The following CBFA2T3 variants were observed in gnomAD, a reference collection of about 807,000 sequenced individuals.
CBFA2T3 encodes transcriptional corepressor CBFA2T3.
CBFA2T3 carries 31 observed loss-of-function variants against 58.6 expected under a neutral mutation model. The ratio of observed to expected loss-of-function variants is 0.53; its 90% confidence interval spans 0.40 to 0.71. The LOEUF (loss-of-function observed/expected upper bound fraction) is 0.71, where lower values mean the gene tolerates loss of function less well. Ranked by LOEUF, CBFA2T3 falls within the 30% of genes least tolerant of loss-of-function variation. The probability of loss-of-function intolerance (pLI) is 0.00; values close to 1 mark genes in which losing one functional copy is unlikely to be tolerated. For missense variants in CBFA2T3, 1,076 were observed against 963.1 expected (o/e 1.12, Z -1.55); for synonymous variants, 531 against 421.9 (o/e 1.26, Z -3.17).
chr16:88,935,887 G>A (rs771179816), intron 1 of CBFA2T3, among the ~76,000 whole-genome samples: 41 of 152,310 alleles, frequency 2.7e-4, no homozygotes, highest in Middle Eastern at 3.4e-3. Context: ...TTTGAGACCC[G>A]AGGGACAGAT....
rs546830036 is a variant in CBFA2T3, at chr16:88,956,015, C to G, written c.151+20642G>C. 9.6e-4 allele frequency among the ~76,000 whole-genome samples: 144 copies of G among 150,174 alleles called. 1 individual carries two copies. Among genetic ancestry groups the G allele is most frequent in the African/African-American group, 3.4e-3 (134 of 39,790 alleles). On this transcript the variant is annotated intron_variant, in intron 1 of 11. Coordinates refer to ENST00000268679, the MANE Select transcript of CBFA2T3 (RefSeq NM_005187.6). ...ACCCCAGCCAAGGCTCCTGACCCCA[C>G]CCAAGGATCCTGACCCCACCCAGGG...
chr16:88,916,239 CATGT>C (rs1970720249), intron 1 of CBFA2T3, among the ~76,000 whole-genome samples: 1 of 129,380 alleles, frequency 7.7e-6, no homozygotes, highest in African/African-American at 3.3e-5. Context: ...TGTGTGTATT[CATGT>C]GTGTATTCAT....
intron 1 of CBFA2T3, among the ~76,000 whole-genome samples, chr16:88,975,178 A>ACCCTGACCCTCTGCTCCTCACCTGCAGC (rs1567643980): frequency 2.2e-5 from 1 of 46,200 alleles, no homozygotes; most frequent in Non-Finnish European, 6.2e-5. Flanking sequence ...TCTCTGCTCC[A>ACCCTGACCCTCTGCTCCTCACCTGCAGC]CATCTTTAGC....
At chr16:88,881,114 G>C (rs779389108) in intron 9 of CBFA2T3, 177 bp downstream of exon 9, 12 of 739,518 alleles carry the variant, frequency 1.6e-5, no homozygotes, top group Non-Finnish European at 2.9e-5. Context: ...GACGCTCTGA[G>C]CTCCAGGCTT....
At chr16:88,895,369 G>A (rs1969844282) in intron 3 of CBFA2T3, among the ~76,000 whole-genome samples, 1 of 152,346 alleles carries the variant, frequency 6.6e-6, no homozygotes, top group Non-Finnish European at 1.5e-5. Flanking sequence ...CACCTGCGAA[G>A]TGCGCCCGGG....
chr16:88,941,459 C>A (rs1971728442), intron 1 of CBFA2T3, among the ~76,000 whole-genome samples: 1 of 147,944 alleles, frequency 6.8e-6, no homozygotes, highest in African/African-American at 2.4e-5. Flanking sequence ...CAGCTCCGCC[C>A]CGGGGCGCCG....
rs886429442 is a variant in CBFA2T3, at chr16:88,928,624, C to T, written c.152-26968G>A. 4.6e-5 allele frequency among the ~76,000 whole-genome samples: 7 copies of T among 152,332 alleles called. No individual in the cohort carries two copies. In the East Asian group the frequency reaches 1.2e-3, roughly 25 times the overall value. ...CACCCGCCAGGTGGGGTATGGGGAC[C>T]GTCCCTCAGGCAAGACAGGGTGCCT... On this transcript the variant is annotated intron_variant, in intron 1 of 11. Transcript: ENST00000268679.
At chr16:88,932,020 CCACACGCATG>C (rs1199658380) in intron 1 of CBFA2T3, among the ~76,000 whole-genome samples, 1 of 152,108 alleles carries the variant, frequency 6.6e-6, no homozygotes, top group African/African-American at 2.4e-5. Context: ...CCGTGGTACC[CCACACGCATG>C]CACACGTGTG....
At chr16:88,895,852 G>A (rs1248923621) in intron 3 of CBFA2T3, among the ~76,000 whole-genome samples, 1 of 152,206 alleles carries the variant, frequency 6.6e-6, no homozygotes, top group Non-Finnish European at 1.5e-5. Context: ...CGGCCGCCAG[G>A]CCCAGACGTG....
chr16:88,940,727 C>CT (rs1360691384), intron 1 of CBFA2T3, among the ~76,000 whole-genome samples: 1 of 152,028 alleles, frequency 6.6e-6, no homozygotes, highest in East Asian at 1.9e-4. Flanking sequence ...GCCGCGGGGC[C>CT]TTTGTTAGGA....
intron 1 of CBFA2T3, among the ~76,000 whole-genome samples, chr16:88,965,526 C>T (rs1972479296): frequency 6.6e-6 from 1 of 152,222 alleles, no homozygotes; most frequent in African/African-American, 2.4e-5. Flanking sequence ...TTCTACAACC[C>T]AGGGGGCTAG....
chr16:88,887,037 G>T (rs575463920), intron 5 of CBFA2T3: 1 of 152,262 alleles, frequency 6.6e-6, no homozygotes, highest in Non-Finnish European at 1.5e-5. Flanking sequence ...GCGGACAGGC[G>T]TGCTGGACCC....
intron 1 of CBFA2T3, among the ~76,000 whole-genome samples, chr16:88,923,930 A>G (rs945363283): frequency 2.0e-5 from 3 of 152,214 alleles, no homozygotes; most frequent in Non-Finnish European, 4.4e-5. Flanking sequence ...AGCATAGATC[A>G]CCACAGTGCA....
chr16:88,876,609 G>A lies in CBFA2T3; in HGVS notation c.*367C>T, dbSNP rs1015858882. 8 of 287,366 alleles carry A rather than the reference G, an allele frequency of 2.8e-5. No individual in the cohort carries two copies. Among genetic ancestry groups the A allele is most frequent in the Non-Finnish European group, 3.2e-5 (5 of 155,068 alleles). 17.8% of individuals were successfully genotyped at this position (287,366 alleles called of 1,614,324 possible). ...TCATAGAGAGAGAGAGGATAGAGAA[G>A]ACAGAGGGGGAGAGACAGACAGAGA... On this transcript the variant is annotated 3_prime_UTR_variant, in exon 12 of 12. Transcript: ENST00000268679.
At chr16:88,951,891 G>A (rs140339861) in intron 1 of CBFA2T3, among the ~76,000 whole-genome samples, 50 of 152,354 alleles carry the variant, frequency 3.3e-4, no homozygotes, top group South Asian at 1.7e-3. Flanking sequence ...GCCTGAAACC[G>A]GTGCCCCTGC....
chr16:88,942,053 G>C (rs576492002), intron 1 of CBFA2T3, among the ~76,000 whole-genome samples: 219 of 152,202 alleles, frequency 1.4e-3, no homozygotes, highest in African/African-American at 5.1e-3. Flanking sequence ...CGCTTCCCGC[G>C]GGTCCCGGGG....
chr16:88,882,572 G>GTGTGCA (rs1392131901), intron 8 of CBFA2T3, 104 bp downstream of exon 8: 1 of 407,982 alleles, frequency 2.5e-6, no homozygotes, highest in Non-Finnish European at 4.2e-6. Flanking sequence ...GGGCATGGCT[G>GTGTGCA]TGGGCGTGGC....
Position 88,880,421 on chromosome 16 carries a change from G to A in CBFA2T3, c.1471+299C>T, listed in dbSNP as rs150156316. Among the ~76,000 whole-genome samples, 3 of 152,308 alleles carry A rather than the reference G, an allele frequency of 2.0e-5. No individual in the cohort carries two copies. In the East Asian group the frequency reaches 5.8e-4, roughly 29 times the overall value. ...GACTCTGGCCCCGCGTGCCTGACGC[G>A]CCCAGGCTCCGAGTGTGTGCGCTTC... On this transcript the variant is annotated intron_variant, in intron 10 of 11. Transcript: ENST00000268679.
intron 8 of CBFA2T3, among the ~76,000 whole-genome samples, chr16:88,882,454 C>T (rs911843854): frequency 7.1e-6 from 1 of 140,276 alleles, no homozygotes; most frequent in African/African-American, 2.7e-5. Flanking sequence ...TGTGCGTGGG[C>T]GTGGCTGTGT....
Sources: gnomAD v4.1 joint callset for allele counts (sites outside exome capture counted in the v4.1 genomes callset) on GRCh38, gnomAD v4.1.1 for gene constraint, MANE v1.5 for transcripts, NCBI Gene and HGNC (gene_info 2026-07-23, HGNC 2026-07-21) for gene names.